TMEM132C: variants seen among roughly 807,000 people sequenced by gnomAD.
The protein encoded by TMEM132C is transmembrane protein 132C, also known as protein phosphatase 1, regulatory subunit 152.
TMEM132C carries 29 observed loss-of-function variants against 61.4 expected under a neutral mutation model. That is an observed-to-expected ratio of 0.47 (90% confidence interval 0.35 to 0.64). TMEM132C has a LOEUF of 0.64. Ranked by LOEUF, TMEM132C falls within the 30% of genes least tolerant of loss-of-function variation. The probability of loss-of-function intolerance (pLI) is 0.00; values close to 1 mark genes in which losing one functional copy is unlikely to be tolerated. For missense variants in TMEM132C, 1,408 were observed against 1,476.9 expected (o/e 0.95, Z 0.76); for synonymous variants, 656 against 633.1 (o/e 1.04, Z -0.54).
At chr12:128,281,176 A>G (rs1197151503) in intron 1 of TMEM132C, among the ~76,000 whole-genome samples, 1 of 152,232 alleles carries the variant, frequency 6.6e-6, no homozygotes, top group Non-Finnish European at 1.5e-5. Flanking sequence ...GCCTGAAACC[A>G]AGGATAAGCA....
At chr12:128,340,423 A>G (rs1465537532) in intron 1 of TMEM132C, among the ~76,000 whole-genome samples, 1 of 152,172 alleles carries the variant, frequency 6.6e-6, no homozygotes, top group Non-Finnish European at 1.5e-5. Context: ...TGACAAAGAT[A>G]TTTTATTTTT....
chr12:128,520,989 A>G (rs1872887172), intron 2 of TMEM132C, among the ~76,000 whole-genome samples: 2 of 151,654 alleles, frequency 1.3e-5, no homozygotes, highest in African/African-American at 2.4e-5. Flanking sequence ...TGCACCTGAA[A>G]GGAAAGGAAT....
chr12:128,325,166 CTTAT>C (rs1872464877), intron 1 of TMEM132C, among the ~76,000 whole-genome samples: 1 of 152,114 alleles, frequency 6.6e-6, no homozygotes, highest in South Asian at 2.1e-4. Context: ...AGTGCATGTT[CTTAT>C]TTATTGTCAC....
chr12:128,406,524 C>T (rs1215970715), intron 1 of TMEM132C, among the ~76,000 whole-genome samples: 1 of 152,042 alleles, frequency 6.6e-6, no homozygotes, highest in East Asian at 1.9e-4. Flanking sequence ...GGCACTGGAC[C>T]TAGTGTGGAA....
intron 1 of TMEM132C, among the ~76,000 whole-genome samples, chr12:128,340,917 TC>T (rs1384736539): frequency 5.4e-5 from 2 of 37,136 alleles, no homozygotes; most frequent in African/African-American, 1.6e-4. Flanking sequence ...TCTCTCTCTT[TC>T]TCTCTCTCTC....
chr12:128,508,834 T>C (rs1433507821), intron 2 of TMEM132C, among the ~76,000 whole-genome samples: 1 of 152,128 alleles, frequency 6.6e-6, no homozygotes, highest in Admixed American at 6.5e-5. Context: ...GGCATGAGGG[T>C]CATCATATCA....
chr12:128,321,316 C>T (rs1018448914), intron 1 of TMEM132C, among the ~76,000 whole-genome samples: 5 of 152,046 alleles, frequency 3.3e-5, no homozygotes, highest in African/African-American at 7.2e-5. Flanking sequence ...AGGAAACTGT[C>T]GATACTCACA....
intron 4 of TMEM132C, among the ~76,000 whole-genome samples, chr12:128,632,095 G>A (rs980075799): frequency 6.6e-6 from 1 of 152,186 alleles, no homozygotes; most frequent in Non-Finnish European, 1.5e-5. Context: ...GTAGCATACC[G>A]ATCTCTATTG....
intron 3 of TMEM132C, among the ~76,000 whole-genome samples, chr12:128,584,175 T>G (rs1365228044): frequency 6.6e-6 from 1 of 152,196 alleles, no homozygotes; most frequent in Non-Finnish European, 1.5e-5. Context: ...TCAGTCACCA[T>G]CTCTGCCCCA....
At chr12:128,362,942 T>G (rs966496909) in intron 1 of TMEM132C, among the ~76,000 whole-genome samples, 11 of 152,086 alleles carry the variant, frequency 7.2e-5, no homozygotes, top group African/African-American at 2.7e-4. Context: ...AGCTTTCAAA[T>G]GAAGAAGTGA....
chr12:128,494,717 A>G (rs1448801989), intron 2 of TMEM132C, among the ~76,000 whole-genome samples: 2 of 151,402 alleles, frequency 1.3e-5, no homozygotes, highest in Admixed American at 6.6e-5. Flanking sequence ...TTTTTATTGC[A>G]TCTATTTGAT....
intron 2 of TMEM132C, among the ~76,000 whole-genome samples, chr12:128,520,996 G>A (rs550674981): frequency 4.1e-4 from 62 of 151,078 alleles, no homozygotes; most frequent in Non-Finnish European, 5.8e-4. Context: ...GAAAGGAAAG[G>A]AATGTGCTTA....
chr12:128,398,616 G>A (rs1518373), intron 1 of TMEM132C, among the ~76,000 whole-genome samples: 8,232 of 152,292 alleles, frequency 0.054, 774 homozygotes, highest in African/African-American at 0.19. Context: ...CAGGGATCCT[G>A]AGTTCAAATT....
At chr12:128,559,341 C>A (rs1281087242) in intron 3 of TMEM132C, among the ~76,000 whole-genome samples, 1 of 152,034 alleles carries the variant, frequency 6.6e-6, no homozygotes, top group East Asian at 1.9e-4. Context: ...ATAAACCAAC[C>A]CCCATATGAA....
chr12:128,653,701 G>T (rs568913741), intron 4 of TMEM132C, among the ~76,000 whole-genome samples: 1 of 152,282 alleles, frequency 6.6e-6, no homozygotes, highest in Non-Finnish European at 1.5e-5. Flanking sequence ...GTTGAAACTA[G>T]ATAAATCAGT....
intron 1 of TMEM132C, among the ~76,000 whole-genome samples, chr12:128,361,954 C>T (rs752437409): frequency 9.2e-5 from 14 of 151,990 alleles, no homozygotes; most frequent in African/African-American, 2.2e-4. Context: ...TTCATCAGAG[C>T]GGGAGTGCAG....
chr12:128,663,343 G>A (rs1432715875), intron 4 of TMEM132C, among the ~76,000 whole-genome samples: 1 of 152,190 alleles, frequency 6.6e-6, no homozygotes, highest in Non-Finnish European at 1.5e-5. Context: ...CATGTAATAT[G>A]GGGCCTTTGT....
chr12:128,601,386 C>T (rs145449796), intron 3 of TMEM132C, among the ~76,000 whole-genome samples: 85 of 152,338 alleles, frequency 5.6e-4, no homozygotes, highest in African/African-American at 1.8e-3. Flanking sequence ...GCACTTTCTA[C>T]GAGTCAGTGC....
intron 2 of TMEM132C, among the ~76,000 whole-genome samples, chr12:128,542,776 G>C (rs1394795152): frequency 1.3e-5 from 2 of 148,486 alleles, no homozygotes; most frequent in Non-Finnish European, 3.0e-5. Context: ...CAGGGGAATT[G>C]CTTGAACCCA....
Sources: allele counts gnomAD v4.1 joint callset (sites outside exome capture counted in the v4.1 genomes callset), GRCh38; gene constraint gnomAD v4.1.1; transcripts MANE v1.5; gene names NCBI Gene and HGNC (gene_info 2026-07-23, HGNC 2026-07-21).